Variants in CDH4 observed in about 807,000 individuals in gnomAD.
CDH4 encodes cadherin 4, also known as cadherin-4.
CDH4 carries 33 observed loss-of-function variants against 86.0 expected under a neutral mutation model. That is an observed-to-expected ratio of 0.38 (90% CI 0.29 to 0.51). The LOEUF is 0.51. Among genes scored for constraint, CDH4 ranks in the 20% least tolerant of loss-of-function variants. The pLI is 0.86. For synonymous variants in CDH4, 555 were observed against 549.4 expected, an observed-to-expected ratio of 1.01 and a Z score of -0.14; for missense variants, 1,114 against 1,307.4, an observed-to-expected ratio of 0.85 and a Z score of 2.28.
At chr20:61,771,126 T>C (rs1364920845) in intron 3 of CDH4, among the ~76,000 whole-genome samples, 1 of 150,990 alleles carries the variant, frequency 6.6e-6, no homozygotes, top group Non-Finnish European at 1.5e-5. Flanking sequence ...TTCTCCGGTG[T>C]CAGCCTCCTA....
rs541739316 is a variant in CDH4 at position 61,814,832 on chromosome 20, T to C, written c.577-29836T>C. Reference sequence around the variant, plus strand: ...TGTTGATGCCGACCTTTCCTTGCAGTAAGCCTCCCAGGGAAAGTCAGTCCT... The same window carrying C: ...TGTTGATGCCGACCTTTCCTTGCAGCAAGCCTCCCAGGGAAAGTCAGTCCT... On this transcript the variant is annotated intron_variant, in intron 4 of 15. Coordinates refer to ENST00000614565, the MANE Select transcript of CDH4 (RefSeq NM_001794.5). 2.0e-5 allele frequency among the ~76,000 whole-genome samples: 3 copies of C among 152,312 alleles called. No individual in the cohort carries two copies. In the East Asian group the frequency reaches 5.8e-4, roughly 29 times the overall value.
chr20:61,546,308 A>G (rs951755050), intron 2 of CDH4, among the ~76,000 whole-genome samples: 1 of 147,190 alleles, frequency 6.8e-6, no homozygotes, highest in African/African-American at 2.5e-5. Context: ...ATGAGTATGC[A>G]TGTGTGCAGA....
At chr20:61,659,069 T>C (rs1397051132) in intron 2 of CDH4, among the ~76,000 whole-genome samples, 1 of 152,170 alleles carries the variant, frequency 6.6e-6, no homozygotes, top group East Asian at 1.9e-4. Flanking sequence ...CCAATCAGTC[T>C]AACACTAAAC....
chr20:61,369,021 G>C (rs923050736), intron 2 of CDH4, among the ~76,000 whole-genome samples: 3 of 152,136 alleles, frequency 2.0e-5, no homozygotes, highest in African/African-American at 7.2e-5. Context: ...CCCAAAGTGA[G>C]CAACATTCTG....
rs748061898 is a variant in CDH4 at position 61,928,382 on chromosome 20, C to T, written c.1964C>T (p.Pro655Leu). ...TACGTCTTCGAGCTGCCCTTTGTCCCGGCGGCCGTGCGGAAGAACTGGACC... is the reference window on the plus strand; with the variant it reads ...TACGTCTTCGAGCTGCCCTTTGTCCTGGCGGCCGTGCGGAAGAACTGGACC... ...GPYVFELPFV[P>L]AAVRKNWTIT... Residue 655 changes from proline (P) to leucine (L), a missense_variant, in exon 12 of 16, where the codon CCG (proline) becomes CTG (leucine). Coordinates refer to ENST00000614565, the MANE Select transcript of CDH4 (RefSeq NM_001794.5). The T allele has an allele frequency of 2.2e-5, 35 of 1,611,786 alleles. No individual in the cohort carries two copies. The highest frequency in any genetic ancestry group is 2.5e-5 in the Non-Finnish European group (30 of 1,180,022).
At chr20:61,896,477 C>T (rs974849374) in intron 8 of CDH4, among the ~76,000 whole-genome samples, 9 of 152,234 alleles carry the variant, frequency 5.9e-5, no homozygotes, top group Non-Finnish European at 1.0e-4. Context: ...CAGATCACAG[C>T]GAAGGAAGCC....
Position 61,559,391 on chromosome 20 carries a change from G to A in CDH4, c.170-184172G>A, listed in dbSNP as rs536578686. Among the ~76,000 whole-genome samples the A allele has an allele frequency of 1.3e-4, 20 of 152,190 alleles. No individual in the cohort carries two copies. In the South Asian group the frequency reaches 2.3e-3, roughly 17 times the overall value. Reference sequence around the variant, plus strand: ...TGATGGCCATCACTGGGGCTGGACCGAAGGGGAGGACCTCCGGGAGCCACC... The same window carrying A: ...TGATGGCCATCACTGGGGCTGGACCAAAGGGGAGGACCTCCGGGAGCCACC... On this transcript the variant is annotated intron_variant, in intron 2 of 15. Coordinates refer to ENST00000614565, the MANE Select transcript of CDH4 (RefSeq NM_001794.5).
In CDH4 at chr20:61,559,526, T is replaced by TTTTTC. The variant is rs2086201265; in HGVS notation, c.170-184033_170-184032insCTTTT. On this transcript the variant is annotated intron_variant, in intron 2 of 15. Transcript: ENST00000614565. ...TCTTTTTAATTTTTTTTTCTTTTTT[T>TTTTTC]TTTTTTTTTTTTGACACAGAGTCTC... 2.1e-5 allele frequency among the ~76,000 whole-genome samples: 3 copies of TTTTTC among 139,788 alleles called. No homozygotes were observed. The South Asian group carries it at 7.2e-4, about 33-fold the overall frequency. 91.7% of individuals were successfully genotyped at this position (139,788 alleles called of 152,430 possible).
intron 2 of CDH4, among the ~76,000 whole-genome samples, chr20:61,607,864 T>C (rs2086657176): frequency 6.6e-6 from 1 of 152,230 alleles, no homozygotes; most frequent in Non-Finnish European, 1.5e-5. Flanking sequence ...TTTTGTTGTA[T>C]GGACAGTTTG....
At chr20:61,395,064 T>A (rs2085009244) in intron 2 of CDH4, among the ~76,000 whole-genome samples, 1 of 151,044 alleles carries the variant, frequency 6.6e-6, no homozygotes, top group Admixed American at 6.6e-5. Flanking sequence ...GAAGCCACTC[T>A]CCTCCTGGGA....
chr20:61,471,052 A>G (rs1193013727), intron 2 of CDH4, among the ~76,000 whole-genome samples: 1 of 152,112 alleles, frequency 6.6e-6, no homozygotes, highest in Non-Finnish European at 1.5e-5. Context: ...CTGGCCTCAC[A>G]TAATGAGTTT....
chr20:61,809,244 G>C (rs576740736), intron 4 of CDH4, among the ~76,000 whole-genome samples: 7 of 152,124 alleles, frequency 4.6e-5, no homozygotes, highest in African/African-American at 1.4e-4. Flanking sequence ...TGGTGGTCCC[G>C]GGGATGGTCA....
intron 7 of CDH4, among the ~76,000 whole-genome samples, chr20:61,881,917 A>G (rs1381553621): frequency 6.6e-6 from 1 of 152,234 alleles, no homozygotes; most frequent in African/African-American, 2.4e-5. Context: ...GTGGACCCTA[A>G]ATCCTTACAG....
intron 2 of CDH4, among the ~76,000 whole-genome samples, chr20:61,323,273 T>C (rs1352823455): frequency 6.6e-6 from 1 of 152,076 alleles, no homozygotes; most frequent in Non-Finnish European, 1.5e-5. Flanking sequence ...CCCGAGTGGG[T>C]GGCAGGTCAG....
intron 2 of CDH4, among the ~76,000 whole-genome samples, chr20:61,405,365 A>G (rs1283299553): frequency 6.6e-6 from 1 of 151,784 alleles, no homozygotes; most frequent in Non-Finnish European, 1.5e-5. Context: ...GAAATCACTC[A>G]TCACCATGGT....
chr20:61,431,121 C>T (rs1054786576), intron 2 of CDH4, among the ~76,000 whole-genome samples: 1 of 152,196 alleles, frequency 6.6e-6, no homozygotes, highest in African/African-American at 2.4e-5. Flanking sequence ...CACAGATCCA[C>T]CCAAGGAATT....
intron 2 of CDH4, among the ~76,000 whole-genome samples, chr20:61,661,089 G>C (rs534803629): frequency 0.021 from 3,014 of 140,448 alleles, 363 homozygotes; most frequent in African/African-American, 0.082. Flanking sequence ...CATGGCGGGG[G>C]GGGGGGAGAC....
At chr20:61,492,040 T>G (rs1160519587) in intron 2 of CDH4, among the ~76,000 whole-genome samples, 1 of 151,348 alleles carries the variant, frequency 6.6e-6, no homozygotes, top group African/African-American at 2.4e-5. Context: ...GGTGTTGATG[T>G]TGGTGGTATT....
intron 2 of CDH4, among the ~76,000 whole-genome samples, chr20:61,302,615 G>T (rs2084392215): frequency 6.6e-6 from 1 of 152,134 alleles, no homozygotes; most frequent in African/African-American, 2.4e-5. Context: ...GAGACTGGTT[G>T]GTGCCTCCCA....
Sources: allele counts gnomAD v4.1 joint callset (sites outside exome capture counted in the v4.1 genomes callset), GRCh38; gene constraint gnomAD v4.1.1; transcripts MANE v1.5; gene names NCBI Gene and HGNC (gene_info 2026-07-23, HGNC 2026-07-21).